PKP3: variants seen among roughly 807,000 people sequenced by gnomAD.
PKP3 encodes plakophilin 3.
In PKP3, 66 loss-of-function variants were observed where a neutral mutation model predicts 76.5. The ratio of observed to expected loss-of-function variants is 0.86; its 90% confidence interval spans 0.71 to 1.06. The LOEUF is 1.06. PKP3 is among the 50% of genes least tolerant of loss of function. The pLI, the probability that PKP3 is intolerant of heterozygous loss-of-function variation, is 0.00. For missense variants in PKP3, 1,338 were observed against 1,141.0 expected (o/e 1.17, Z -2.49); for synonymous variants, 638 against 516.5 (o/e 1.24, Z -3.19).
rs1392695232 is a variant in PKP3, at chr11:403,280, A to C, written c.1923+17A>C. On this transcript the variant is annotated intron_variant, in intron 9 of 12. Transcript: ENST00000331563. ...GACCGCAGGGTGGGGCACCCAACCC[A>C]GACCCGAGGGGGTCCCAGGGGTTCA... 6 of 1,550,928 alleles carry C rather than the reference A, an allele frequency of 3.9e-6. No homozygotes were observed. The highest frequency in any genetic ancestry group is 3.5e-6 in the Non-Finnish European group (4 of 1,152,862).
At position 400,083 on chromosome 11, in the gene PKP3, C is replaced by G; in HGVS notation, c.1390C>G (p.Leu464Val). ...CCTGTCGGGGGCTGGGGGTCCCCCCCTCATCCAGCAGAACGCCTCGGAGGC... is the reference window on the plus strand; with the variant it reads ...CCTGTCGGGGGCTGGGGGTCCCCCCGTCATCCAGCAGAACGCCTCGGAGGC... Reference protein sequence around the residue: ...SPLSGAGGPPLIQQNASEAEI... With the variant: ...SPLSGAGGPPVIQQNASEAEI... The change falls in exon 6 of 13, where the codon CTC (leucine) becomes GTC (valine). Residue 464 changes from leucine (L) to valine (V), a missense_variant. Leu to Val is a conservative substitution (Grantham distance 32). Transcript: ENST00000331563. 3 of 1,598,286 alleles carry G rather than the reference C, an allele frequency of 1.9e-6. No individual in the cohort carries two copies. The highest frequency in any genetic ancestry group is 1.1e-5 in the South Asian group (1 of 89,120).
In PKP3 at chr11:403,099, C is replaced by A; in HGVS notation, c.1759C>A (p.Leu587Ile). 6.5e-7 allele frequency: 1 copy of A among 1,530,086 alleles called. No individual in the cohort carries two copies. Among genetic ancestry groups the A allele is most frequent in the Non-Finnish European group, 8.8e-7 (1 of 1,140,044 alleles). 94.8% of individuals were successfully genotyped at this position (1,530,086 alleles called of 1,614,324 possible). Residue 587 changes from leucine (L) to isoleucine (I), a missense_variant, in exon 9 of 13, where the codon CTC becomes ATC. By Grantham distance (5) the Leu-to-Ile change is conservative (BLOSUM62 2). Coordinates refer to ENST00000331563, the MANE Select transcript of PKP3 (RefSeq NM_007183.4). ...LRELPLAADALTFAEVSKDPK... is the reference protein window; with the variant it reads ...LRELPLAADAITFAEVSKDPK... ...GCAGCTGCCCCTCGCCGCCGATGCG[C>A]TCACCTTCGCGGAGGTGTCCAAGGA...
At chr11:399,879 G>C in intron 5 of PKP3, 88 bp from the exon 6 acceptor site, 1 of 1,102,918 alleles carries the variant, frequency 9.1e-7, no homozygotes, top group East Asian at 2.6e-5. Flanking sequence ...CCAGCCCCTG[G>C]GGAGAGGCGG....
In PKP3 at chr11:400,122, A is replaced by AACGCC. The variant is rs1382485821; in HGVS notation, c.1432_1436dup (p.Gly480ProfsTer169). ...CGCCTCGGAGGCAGAGATCTTCTAC[A>AACGCC]ACGCCACCGGCTTCCTCAGGTGCGC... On this transcript the variant is annotated frameshift_variant, in exon 6 of 13. Transcript: ENST00000331563. LOFTEE classifies it high-confidence loss of function. 2 of 1,568,526 alleles carry AACGCC rather than the reference A, an allele frequency of 1.3e-6. No homozygotes were observed. Among genetic ancestry groups the AACGCC allele is most frequent in the African/African-American group, 2.7e-5 (2 of 72,992 alleles).
intron 5 of PKP3, among the ~76,000 whole-genome samples, chr11:399,728 T>C (rs1454968273): frequency 6.6e-6 from 1 of 150,488 alleles, no homozygotes; most frequent in African/African-American, 2.5e-5. Flanking sequence ...TTTGTCTCCT[T>C]GGAGCCGCCT....
chr11:403,914 G>A (rs1564883177), intron 10 of PKP3, 29 bp from the exon 11 acceptor site: 2 of 1,577,666 alleles, frequency 1.3e-6, no homozygotes, highest in Non-Finnish European at 1.7e-6. Context: ...CAGGAGTAGG[G>A]GTGCAGACTG....
At chr11:394,005 T>C (rs10902157), upstream of PKP3, 205,068 of 386,574 alleles carry the variant, frequency 0.53, 56,083 homozygotes, top group South Asian at 0.6. Flanking sequence ...GTGGCCCTGT[T>C]GTGGGATGGG....
upstream of PKP3, among the ~76,000 whole-genome samples, chr11:393,204 C>A (rs1039643681): frequency 6.6e-6 from 1 of 151,792 alleles, no homozygotes; most frequent in Non-Finnish European, 1.5e-5. Flanking sequence ...ACAAGCCCTG[C>A]TTGGTCCAGG....
Position 399,039 on chromosome 11 carries a change from C to G in PKP3, c.1116C>G (p.His372Gln), listed in dbSNP as rs375185865. The G allele has an allele frequency of 4.7e-5, 76 of 1,606,002 alleles. No individual in the cohort carries two copies. The highest frequency in any genetic ancestry group is 5.5e-5 in the Non-Finnish European group (65 of 1,175,350). Residue 372 changes from histidine to glutamine, a missense_variant, in exon 5 of 13, where the codon CAC (histidine) becomes CAG (glutamine). Transcript: ENST00000331563. ...AVPRLVKLFN[H>Q]ANQEVQRHAT... ...CTAGGCTGGTGAAGCTCTTCAACCA[C>G]GCCAACCAGGAAGTGCAGCGCCATG...
chr11:403,124 A>T lies in PKP3; in HGVS notation c.1784A>T (p.Asp595Val), dbSNP rs1298073084. 4 of 1,564,704 alleles carry T rather than the reference A, an allele frequency of 2.6e-6. No individual in the cohort carries two copies. Among genetic ancestry groups the T allele is most frequent in the Non-Finnish European group, 3.5e-6 (4 of 1,157,262 alleles). ...DALTFAEVSK[D>V]PKGLEWLWSP... ...CTCACCTTCGCGGAGGTGTCCAAGG[A>T]CCCCAAGGGCCTCGAGTGGCTGTGG... is the stretch of plus-strand genomic sequence containing the variant. The change falls in exon 9 of 13, where the codon GAC (aspartate) becomes GTC (valine). Residue 595 changes from aspartate (D) to valine (V), a missense_variant. Transcript: ENST00000331563.
In PKP3 at chr11:403,247, C is replaced by G; in HGVS notation, c.1907C>G (p.Thr636Arg). 1.3e-6 allele frequency: 2 copies of G among 1,580,926 alleles called. No homozygotes were observed. Among genetic ancestry groups the G allele is most frequent in the Non-Finnish European group, 1.7e-6 (2 of 1,168,254 alleles). Residue 636 changes from threonine (T) to arginine (R), a missense_variant, in exon 9 of 13, where the codon ACG (threonine) becomes AGG (arginine). Physicochemically the swap from Thr to Arg is moderately conservative, Grantham distance 71. Transcript: ENST00000331563. ...GCCGCCGGGGCGCTGCAGAACATCA[C>G]GGCAGGCGACCGCAGGGTGGGGCAC... is the stretch of plus-strand genomic sequence containing the variant. ...EAAAGALQNI[T>R]AGDRRWAGVL...
Position 404,461 on chromosome 11 carries a change from T to C in PKP3, c.2359-73T>C, listed in dbSNP as rs1168204413. 6.4e-7 allele frequency: 1 copy of C among 1,550,916 alleles called. No individual in the cohort carries two copies. Reference sequence around the variant, plus strand: ...AGGGTCCGGGCCACACCCAGCACACTGCAGGAGGGACAGCGGGCAGAGGGC... The same window carrying C: ...AGGGTCCGGGCCACACCCAGCACACCGCAGGAGGGACAGCGGGCAGAGGGC... On this transcript the variant is annotated intron_variant, in intron 12 of 12. Coordinates refer to ENST00000331563, the MANE Select transcript of PKP3 (RefSeq NM_007183.4). The surrounding 1 kb of genome is among the most constrained non-coding windows in gnomAD (Gnocchi z 4.2).
Position 400,059 on chromosome 11 carries a change from C to A in PKP3, c.1366C>A (p.Leu456Met). ...EQLTDLVLSP[L>M]SGAGGPPLIQ... The stretch of plus-strand genomic sequence containing the variant: ...GCTCACAGACCTGGTGTTGAGCCCC[C>A]TGTCGGGGGCTGGGGGTCCCCCCCT... Residue 456 changes from leucine (L) to methionine (M), a missense_variant, in exon 6 of 13, where the codon CTG becomes ATG. Physicochemically the swap from Leu to Met is conservative, Grantham distance 15. Transcript: ENST00000331563. 6.2e-7 allele frequency: 1 copy of A among 1,604,590 alleles called. No homozygotes were observed. Among genetic ancestry groups the A allele is most frequent in the Non-Finnish European group, 8.5e-7 (1 of 1,177,460 alleles).
intron 2 of PKP3, 55 bp downstream of exon 2, chr11:396,742 T>C: frequency 6.3e-7 from 1 of 1,574,846 alleles, no homozygotes; most frequent in Non-Finnish European, 8.6e-7. Flanking sequence ...GTCTGGAGAG[T>C]GGGAGGCTCT....
upstream of PKP3, among the ~76,000 whole-genome samples, chr11:393,965 A>G (rs1847008642): frequency 1.3e-5 from 2 of 152,216 alleles, no homozygotes; most frequent in African/African-American, 4.8e-5. Context: ...TGGCCTTTAC[A>G]GGCTGAGAAC....
At chr11:392,797 C>T, upstream of PKP3, 1 of 560,362 alleles carries the variant, frequency 1.8e-6, no homozygotes, top group South Asian at 1.5e-5. Context: ...ACCTTCCCCT[C>T]CCCCTTTAAC....
chr11:397,046 G>C lies in PKP3; in HGVS notation c.545G>C (p.Arg182Pro). Residue 182 changes from arginine to proline, a missense_variant, in exon 3 of 13, where the codon CGC becomes CCC. Physicochemically the swap from Arg to Pro is moderately radical, Grantham distance 103 (BLOSUM62 -2). Coordinates refer to ENST00000331563, the MANE Select transcript of PKP3 (RefSeq NM_007183.4). The stretch of plus-strand genomic sequence containing the variant: ...GCCGACTATGACACACTCTCCCTGC[G>C]CTCGCTGCGGCTGGGGCCCGGGGGC... The part of the protein sequence containing the change: ...SRADYDTLSL[R>P]SLRLGPGGLD... 6.3e-7 allele frequency: 1 copy of C among 1,599,384 alleles called. No homozygotes were observed. Among genetic ancestry groups the C allele is most frequent in the Non-Finnish European group, 8.5e-7 (1 of 1,179,550 alleles).
Position 400,401 on chromosome 11 carries a change from C to T in PKP3, c.1516C>T (p.Leu506=). 1.9e-6 allele frequency: 3 copies of T among 1,548,940 alleles called. No individual in the cohort carries two copies. Among genetic ancestry groups the T allele is most frequent in the Non-Finnish European group, 1.7e-6 (2 of 1,146,184 alleles). Residue 506 remains leucine, a synonymous_variant, in exon 7 of 13, where the codon CTG becomes TTG. Transcript: ENST00000331563. ...GGAGTGCCACGGGCTGGTGGACGCC[C>T]TGGTCACCTCTATCAACCACGCCCT... is the stretch of plus-strand genomic sequence containing the variant. ...MRECHGLVDA[L]VTSINHALDA... is the part of the protein sequence containing the mutation.
chr11:393,896 C>A (rs1362309066), upstream of PKP3, among the ~76,000 whole-genome samples: 2 of 152,210 alleles, frequency 1.3e-5, no homozygotes, highest in African/African-American at 4.8e-5. Flanking sequence ...CCTGCCCTTC[C>A]CTGACACTCA....
Sources: gnomAD v4.1 joint callset for allele counts (sites outside exome capture counted in the v4.1 genomes callset) on GRCh38, gnomAD v4.1.1 for gene constraint, Gnocchi (gnomAD v3.1) non-coding constraint, MANE v1.5 for transcripts, NCBI Gene and HGNC (gene_info 2026-07-23, HGNC 2026-07-21) for gene names.